The following RGS14 variants were observed in gnomAD, a reference collection of about 807,000 sequenced individuals.
RGS14 encodes the protein regulator of G-protein signaling 14.
A neutral mutation model predicts 63.8 loss-of-function variants in RGS14; 33 were observed. The ratio of observed to expected loss-of-function variants is 0.52; its 90% CI spans 0.39 to 0.69. The LOEUF (loss-of-function observed/expected upper bound fraction) is 0.69. RGS14 is among the 30% of genes least tolerant of loss of function. RGS14 has a pLI of 0.00. For missense variants in RGS14, 739 were observed against 742.9 expected (o/e 0.99, Z 0.06); for synonymous variants, 296 against 320.9 (o/e 0.92, Z 0.83).
At chr5:177,370,851 G>C (rs931040321) in intron 10 of RGS14, 54 bp from the exon 11 acceptor site, 15 of 1,563,172 alleles carry the variant, frequency 9.6e-6, no homozygotes, top group Non-Finnish European at 1.2e-5. Context: ...TCCTGGGAAG[G>C]GTTTGGCGGG....
Position 177,372,396 on chromosome 5 carries a change from C to A in RGS14, c.*321C>A. 2 of 310,184 alleles carry A rather than the reference C, an allele frequency of 6.4e-6. No individual in the cohort carries two copies. Among genetic ancestry groups the A allele is most frequent in the African/African-American group, 2.1e-5 (1 of 46,540 alleles). The allele number at this position is 310,184 out of a possible 1,614,324, so 19.2% of individuals were successfully genotyped here. On this transcript the variant is annotated 3_prime_UTR_variant, in exon 15 of 15. Transcript: ENST00000408923. Reference sequence around the variant, plus strand: ...CAGTGCCAGCCTCCCCAGCCTGTGCCAAGCTTCAACAGGGGCAAGAGGAGG... The same window carrying A: ...CAGTGCCAGCCTCCCCAGCCTGTGCAAAGCTTCAACAGGGGCAAGAGGAGG...
rs540948861 is a variant in RGS14 at position 177,366,774 on chromosome 5, C to G, written c.313C>G (p.Gln105Glu). The G allele has an allele frequency of 3.1e-6, 5 of 1,614,196 alleles. No individual in the cohort carries two copies. The South Asian group carries it at 3.3e-5, about 11-fold the overall frequency. Residue 105 changes from glutamine (Q) to glutamate (E), a missense_variant, in exon 4 of 15, where the codon CAG becomes GAG. By Grantham distance (29) the Gln-to-Glu change is conservative. Coordinates refer to ENST00000408923, the MANE Select transcript of RGS14 (RefSeq NM_006480.5). ...CTGGAAGGCCTGCGAGCGCTTCCAG[C>G]AGATCCCGGCCAGCGATACCCAGCA... is the stretch of plus-strand genomic sequence containing the variant. ...TFWKACERFQ[Q>E]IPASDTQQLA...
At position 177,372,261 on chromosome 5, in the gene RGS14, G is replaced by T; in HGVS notation, c.*186G>T. The T allele has an allele frequency of 3.3e-6, 2 of 608,938 alleles. No homozygotes were observed. Among genetic ancestry groups the T allele is most frequent in the East Asian group, 2.8e-5 (1 of 35,254 alleles). The allele number at this position is 608,938 out of a possible 1,614,324, so 37.7% of individuals were successfully genotyped here. On this transcript the variant is annotated 3_prime_UTR_variant, in exon 15 of 15. Transcript: ENST00000408923. Reference sequence around the variant, plus strand: ...TGAGACACACCCCACAGCTGCCACCGCCTTGTCCCTCAACAAGCTCACCCC... The same window carrying T: ...TGAGACACACCCCACAGCTGCCACCTCCTTGTCCCTCAACAAGCTCACCCC...
Position 177,367,452 on chromosome 5 carries a change from C to T in RGS14, c.522C>T (p.Phe174=), listed in dbSNP as rs1762127561. Residue 174 remains phenylalanine, a synonymous_variant, in exon 6 of 15, where the codon TTC becomes TTT. Coordinates refer to ENST00000408923, the MANE Select transcript of RGS14 (RefSeq NM_006480.5). ...NLMKFDSYAR[F]VKSPLYRECL... ...TGAAGTTCGACAGCTATGCGCGCTT[C>T]GTCAAGTCCCCGCTGTACCGCGAGT... 6.2e-7 allele frequency: 1 copy of T among 1,611,924 alleles called. No individual in the cohort carries two copies. Among genetic ancestry groups the T allele is most frequent in the Non-Finnish European group, 8.5e-7 (1 of 1,179,066 alleles).
rs1762169282 is a variant in RGS14, at chr5:177,368,757, A to G, written c.890A>G (p.Glu297Gly). 1 of 1,614,118 alleles carries G rather than the reference A, an allele frequency of 6.2e-7. No homozygotes were observed. Among genetic ancestry groups the G allele is most frequent in the Non-Finnish European group, 8.5e-7 (1 of 1,180,048 alleles). The change falls in exon 9 of 15, where the codon GAA (glutamate) becomes GGA (glycine). Residue 297 changes from glutamate to glycine, a missense_variant. Glu to Gly is a moderately conservative substitution (Grantham distance 98). Coordinates refer to ENST00000408923, the MANE Select transcript of RGS14 (RefSeq NM_006480.5). The part of the protein sequence containing the change: ...KSLGSTEGES[E>G]SRPGKYCCVY... ...CTTGGGAGCACGGAGGGTGAAAGTGAAAGCCGGCCAGGGAAGTACTGCTGT... is the reference window on the plus strand; with the variant it reads ...CTTGGGAGCACGGAGGGTGAAAGTGGAAGCCGGCCAGGGAAGTACTGCTGT...
intron 1 of RGS14, among the ~76,000 whole-genome samples, chr5:177,360,930 G>A (rs1322864210): frequency 6.6e-6 from 1 of 152,182 alleles, no homozygotes. Flanking sequence ...GCACCGTGTT[G>A]TAGGAGACGG....
chr5:177,370,766 C>T, intron 10 of RGS14, 102 bp downstream of exon 10: 3 of 1,497,940 alleles, frequency 2.0e-6, no homozygotes, highest in Non-Finnish European at 2.7e-6. Context: ...GTGCTAGCCC[C>T]GCCCCTGGGA....
chr5:177,363,865 C>G (rs1448982494), intron 1 of RGS14, among the ~76,000 whole-genome samples: 1 of 152,174 alleles, frequency 6.6e-6, no homozygotes, highest in South Asian at 2.1e-4. Flanking sequence ...CCCCAGAGGC[C>G]TCTGAGAGGA....
chr5:177,367,516 C>G lies in RGS14; in HGVS notation c.586C>G (p.Pro196Ala), dbSNP rs984868187. Residue 196 changes from proline to alanine, a missense_variant, in exon 6 of 15, where the codon CCT (proline) becomes GCT (alanine). Pro to Ala is a conservative substitution (Grantham distance 27, BLOSUM62 -1). Transcript: ENST00000408923. Reference protein sequence around the residue: ...AEAEGRPLREPGSSRLGSPDA... With the variant: ...AEAEGRPLREAGSSRLGSPDA... ...AGCCGAGGGACGCCCTCTGCGGGAA[C>G]CTGGCTCCTCGCGCCTCGGCAGCCC... 6.2e-7 allele frequency: 1 copy of G among 1,612,220 alleles called. No homozygotes were observed. The highest frequency in any genetic ancestry group is 1.1e-5 in the South Asian group (1 of 90,746).
Position 177,372,368 on chromosome 5 carries a change from T to G in RGS14, c.*293T>G. On this transcript the variant is annotated 3_prime_UTR_variant, in exon 15 of 15. Transcript: ENST00000408923. The stretch of plus-strand genomic sequence containing the variant: ...CTTGCCCAACATGGAGGGATGGCGT[T>G]GGCAGTGCCAGCCTCCCCAGCCTGT... 1 of 372,558 alleles carries G rather than the reference T, an allele frequency of 2.7e-6. No individual in the cohort carries two copies. The allele number at this position is 372,558 out of a possible 1,614,324, so 23.1% of individuals were successfully genotyped here. A position where few individuals can be genotyped will look rare whatever the true frequency, so the allele number is the denominator to read the frequency against.
In RGS14 at chr5:177,370,717, C is replaced by A. The variant is rs115151428; in HGVS notation, c.1127+53C>A. ...CCCAGGTCCTGACGCTCCCTTCAGG[C>A]CCTGTTCTAGCTACCTGGCTCCCCA... On this transcript the variant is annotated intron_variant, in intron 10 of 14. Transcript: ENST00000408923. 3.8e-4 allele frequency: 595 copies of A among 1,584,732 alleles called. 1 individual carries two copies. The African/African-American group carries it at 7.3e-3, about 20-fold the overall frequency.
In RGS14 at chr5:177,358,108, TG is replaced by T; in HGVS notation, c.45+42del. The T allele has an allele frequency of 7.6e-7, 1 of 1,317,836 alleles. No individual in the cohort carries two copies. 81.6% of individuals were successfully genotyped at this position (1,317,836 alleles called of 1,614,324 possible). The stretch of plus-strand genomic sequence containing the variant: ...CCGGGCCAGGGCCACGAGGAGGGGG[TG>T]GGCACACCCAGGGTGGAGCCCAGGA... On this transcript the variant is annotated intron_variant, in intron 1 of 14. Transcript: ENST00000408923. The surrounding 1 kb of genome is among the most constrained non-coding windows in gnomAD (Gnocchi z 4.8).
rs757105254 is a variant in RGS14 at position 177,367,053 on chromosome 5, A to G, written c.483+19A>G. ...GCTTCAGGTGGGCGATCCTGGGGGG[A>G]TTGGCCTTGAAAGGGAGACAAAAGG... On this transcript the variant is annotated intron_variant, in intron 5 of 14. Coordinates refer to ENST00000408923, the MANE Select transcript of RGS14 (RefSeq NM_006480.5). The G allele has an allele frequency of 3.8e-6, 6 of 1,592,538 alleles. No homozygotes were observed. Among genetic ancestry groups the G allele is most frequent in the Admixed American group, 1.7e-5 (1 of 57,380 alleles).
In RGS14 at chr5:177,358,948, TGGAG is replaced by T. The variant is rs1761892378; in HGVS notation, c.45+886_45+889del. ...CAGTCCTGGTTCTATTCTCTCTTAC[TGGAG>T]GGAGGGTCCTCGCCAGCTCTCAGTT... is the stretch of plus-strand genomic sequence containing the variant. On this transcript the variant is annotated intron_variant, in intron 1 of 14. Coordinates refer to ENST00000408923, the MANE Select transcript of RGS14 (RefSeq NM_006480.5). The surrounding 1 kb of genome is among the most constrained non-coding windows in gnomAD (Gnocchi z 4.8). 6.6e-6 allele frequency among the ~76,000 whole-genome samples: 1 copy of T among 152,212 alleles called. No individual in the cohort carries two copies. Among genetic ancestry groups the T allele is most frequent in the Non-Finnish European group, 1.5e-5 (1 of 68,032 alleles).
At chr5:177,361,082 GT>G (rs1488505580) in intron 1 of RGS14, among the ~76,000 whole-genome samples, 1 of 152,190 alleles carries the variant, frequency 6.6e-6, no homozygotes, top group Non-Finnish European at 1.5e-5. Flanking sequence ...AGAGGGCCTA[GT>G]TAGTCTTCCC....
Position 177,371,493 on chromosome 5 carries a change from C to G in RGS14, c.1402C>G (p.Gln468Glu), listed in dbSNP as rs370893251. 1 of 1,614,140 alleles carries G rather than the reference C, an allele frequency of 6.2e-7. No individual in the cohort carries two copies. The highest frequency in any genetic ancestry group is 1.3e-5 in the African/African-American group (1 of 75,036). The change falls in exon 14 of 15, where the codon CAG becomes GAG. Residue 468 changes from glutamine to glutamate, a missense_variant. By Grantham distance (29) the Gln-to-Glu change is conservative. Coordinates refer to ENST00000408923, the MANE Select transcript of RGS14 (RefSeq NM_006480.5). This position sits in a 1 kb window ranked among gnomAD's most constrained non-coding sequence, Gnocchi z 6.1. ...CRSQGCPPRT[Q>E]DKATHPPPAS... ...CTCGCAGGGCTGCCCACCTAGAACT[C>G]AGGATAAGGCCACCCATCCCCCTCC...
At chr5:177,366,644 C>T in intron 3 of RGS14, 64 bp from the exon 4 acceptor site, 2 of 1,481,356 alleles carry the variant, frequency 1.4e-6, no homozygotes, top group East Asian at 2.3e-5. Context: ...TTTTTGATCA[C>T]ATCCCCCAGT....
At chr5:177,366,832 G>C in intron 4 of RGS14, 32 bp downstream of exon 4, 2 of 1,614,026 alleles carry the variant, frequency 1.2e-6, no homozygotes, top group Non-Finnish European at 1.7e-6. Context: ...GCCGAGGGCT[G>C]GGGAGAGGGG....
chr5:177,362,068 G>T (rs942066923), intron 1 of RGS14, among the ~76,000 whole-genome samples: 3 of 152,100 alleles, frequency 2.0e-5, no homozygotes, highest in African/African-American at 7.2e-5. Context: ...TTCACTCATG[G>T]GGCCTCATTC....
Sources: gnomAD v4.1 joint callset for allele counts (sites outside exome capture counted in the v4.1 genomes callset) on GRCh38, gnomAD v4.1.1 for gene constraint, Gnocchi (gnomAD v3.1) non-coding constraint, MANE v1.5 for transcripts, NCBI Gene and HGNC (gene_info 2026-07-23, HGNC 2026-07-21) for gene names.